NRG3: variants seen among roughly 807,000 people sequenced by gnomAD.
NRG3 encodes the protein neuregulin 3, also known as pro-neuregulin-3, membrane-bound isoform.
A neutral mutation model predicts 66.9 loss-of-function variants in NRG3; 31 were observed. The ratio of observed to expected loss-of-function variants is 0.46; its 90% CI spans 0.35 to 0.63. The LOEUF (loss-of-function observed/expected upper bound fraction) is 0.63. Ranked by LOEUF, NRG3 falls within the 20% of genes least tolerant of loss-of-function variation. NRG3 has a pLI of 0.00. For synonymous variants in NRG3, 393 were observed against 359.4 expected (o/e 1.09, Z -1.06); for missense variants, 910 against 878.9 (o/e 1.04, Z -0.45).
At chr10:82,370,130 G>A (rs867660361) in intron 2 of NRG3, among the ~76,000 whole-genome samples, 1 of 138,972 alleles carries the variant, frequency 7.2e-6, no homozygotes, top group African/African-American at 3.3e-5. Flanking sequence ...CTGCTTTATC[G>A]CAAGGGCAGG....
chr10:81,991,966 T>A (rs2060759891), intron 1 of NRG3, among the ~76,000 whole-genome samples: 1 of 152,114 alleles, frequency 6.6e-6, no homozygotes, highest in Non-Finnish European at 1.5e-5. Context: ...GAGATTAGAT[T>A]GAGACAAAGT....
intron 2 of NRG3, among the ~76,000 whole-genome samples, chr10:82,513,716 G>C (rs1845406567): frequency 6.6e-6 from 1 of 152,126 alleles, no homozygotes; most frequent in Non-Finnish European, 1.5e-5. Context: ...GAAGGTGGAG[G>C]TTGCAGTGGG....
intron 1 of NRG3, among the ~76,000 whole-genome samples, chr10:81,923,070 G>A (rs1846401692): frequency 6.6e-6 from 1 of 152,110 alleles, no homozygotes; most frequent in Non-Finnish European, 1.5e-5. Flanking sequence ...ATATTATTAG[G>A]AAATAATGAG....
intron 2 of NRG3, among the ~76,000 whole-genome samples, chr10:82,567,197 C>G (rs565026217): frequency 2.0e-5 from 3 of 151,934 alleles, no homozygotes; most frequent in African/African-American, 7.2e-5. Flanking sequence ...TACTTAGCTC[C>G]CATTCTGTCT....
chr10:81,886,021 G>C (rs976601867), intron 1 of NRG3, among the ~76,000 whole-genome samples: 38 of 152,036 alleles, frequency 2.5e-4, no homozygotes, highest in African/African-American at 8.9e-4. Flanking sequence ...TTTCGGGTGT[G>C]GGGGAGGTAG....
At chr10:82,132,694 G>A (rs149497107) in intron 1 of NRG3, among the ~76,000 whole-genome samples, 11 of 150,636 alleles carry the variant, frequency 7.3e-5, no homozygotes, top group South Asian at 2.1e-4. Flanking sequence ...CGGTGAAGCC[G>A]TCTGGTCTTG....
intron 2 of NRG3, among the ~76,000 whole-genome samples, chr10:82,528,779 A>G (rs2132621342): frequency 6.6e-6 from 1 of 152,288 alleles, no homozygotes; most frequent in South Asian, 2.1e-4. Flanking sequence ...GTGAGTGTAA[A>G]AAAAAAGTAT....
intron 2 of NRG3, among the ~76,000 whole-genome samples, chr10:82,443,792 C>T (rs1201632293): frequency 6.6e-6 from 1 of 152,176 alleles, no homozygotes; most frequent in Non-Finnish European, 1.5e-5. Flanking sequence ...TGCTCTAGCT[C>T]AATGCTCTTG....
intron 1 of NRG3, among the ~76,000 whole-genome samples, chr10:82,349,909 C>A (rs547898447): frequency 3.5e-4 from 53 of 152,314 alleles, no homozygotes; most frequent in African/African-American, 1.1e-3. Flanking sequence ...GGCAATGCCT[C>A]GCCCTGCTTC....
chr10:82,912,537 C>T (rs1923571), intron 4 of NRG3, among the ~76,000 whole-genome samples: 54,930 of 151,942 alleles, frequency 0.36, 10,349 homozygotes, highest in East Asian at 0.54. Context: ...ATGGCACCCA[C>T]GCCATTATAT....
chr10:82,527,628 T>C (rs1455869106), intron 2 of NRG3, among the ~76,000 whole-genome samples: 1 of 152,022 alleles, frequency 6.6e-6, no homozygotes, highest in East Asian at 1.9e-4. Context: ...CAAAAGGGAG[T>C]CTCCAGTTTT....
At chr10:82,422,437 A>G (rs1053883238) in intron 2 of NRG3, among the ~76,000 whole-genome samples, 9 of 152,028 alleles carry the variant, frequency 5.9e-5, no homozygotes, top group Non-Finnish European at 1.0e-4. Context: ...AGCCCCTGTT[A>G]ATTTTTCTCA....
rs1003499710 is a variant in NRG3, at chr10:82,750,443, C to T, written c.1027+11793C>T. Among the ~76,000 whole-genome samples, 3 of 152,180 alleles carry T rather than the reference C, an allele frequency of 2.0e-5. No individual in the cohort carries two copies. The South Asian group carries it at 6.2e-4, about 32-fold the overall frequency. ...GATTAAGAACACAAACAGAGAGAAG[C>T]AGAAAAACTGACTACATTGTTGACA... On this transcript the variant is annotated intron_variant, in intron 3 of 8. Coordinates refer to ENST00000372141, the MANE Select transcript of NRG3 (RefSeq NM_001010848.4).
In NRG3 at chr10:82,094,636, A is replaced by G. The variant is rs1017926960; in HGVS notation, c.823+218473A>G. ...TAAAGAAAATGTGATGTGTGTATAT[A>G]TATCTGTCACATTTCATGGCGAGAT... On this transcript the variant is annotated intron_variant, in intron 1 of 8. Transcript: ENST00000372141. Among the ~76,000 whole-genome samples, 8 of 152,342 alleles carry G rather than the reference A, an allele frequency of 5.3e-5. No individual in the cohort carries two copies. In the East Asian group the frequency reaches 1.5e-3, roughly 29 times the overall value.
At chr10:82,107,142 A>G (rs2067116803) in intron 1 of NRG3, among the ~76,000 whole-genome samples, 1 of 152,220 alleles carries the variant, frequency 6.6e-6, no homozygotes, top group African/African-American at 2.4e-5. Flanking sequence ...AGATTTTGGA[A>G]TGCTTGCATT....
At chr10:82,533,621 A>C (rs1265006386) in intron 2 of NRG3, among the ~76,000 whole-genome samples, 1 of 152,202 alleles carries the variant, frequency 6.6e-6, no homozygotes, top group Non-Finnish European at 1.5e-5. Context: ...TGAAAAGTTT[A>C]CAGCTACCAT....
At chr10:82,068,467 C>A (rs1185467121) in intron 1 of NRG3, among the ~76,000 whole-genome samples, 1 of 152,180 alleles carries the variant, frequency 6.6e-6, no homozygotes, top group African/African-American at 2.4e-5. Flanking sequence ...ACGTTTCCTG[C>A]CCTTGAGAAG....
intron 2 of NRG3, among the ~76,000 whole-genome samples, chr10:82,362,751 G>A (rs901665053): frequency 8.6e-5 from 13 of 151,770 alleles, no homozygotes; most frequent in African/African-American, 2.2e-4. Context: ...GTGGTATATT[G>A]TGGGACTTAG....
intron 5 of NRG3, among the ~76,000 whole-genome samples, chr10:82,955,404 C>A (rs1849945953): frequency 6.6e-6 from 1 of 151,926 alleles, no homozygotes; most frequent in African/African-American, 2.4e-5. Context: ...TTGAGCCTGT[C>A]AAGTCTGGCC....
Sources: allele counts gnomAD v4.1 joint callset (sites outside exome capture counted in the v4.1 genomes callset), GRCh38; gene constraint gnomAD v4.1.1; transcripts MANE v1.5; gene names NCBI Gene and HGNC (gene_info 2026-07-23, HGNC 2026-07-21).